Variants in ZFYVE16 observed in about 807,000 individuals in gnomAD.
ZFYVE16 encodes zinc finger FYVE domain-containing protein 16.
In ZFYVE16, 89 loss-of-function variants were observed where a neutral mutation model predicts 138.1. The ratio of observed to expected loss-of-function variants is 0.64; its 90% CI spans 0.54 to 0.77. The LOEUF (loss-of-function observed/expected upper bound fraction) is 0.77. Ranked by LOEUF, ZFYVE16 falls within the 30% of genes least tolerant of loss-of-function variation. The pLI is 0.00. For missense variants in ZFYVE16, 1,793 were observed against 1,786.7 expected (o/e 1.00, Z -0.06); for synonymous variants, 596 against 618.3 (o/e 0.96, Z 0.53).
intron 15 of ZFYVE16, among the ~76,000 whole-genome samples, chr5:80,465,865 T>C (rs1382367975): frequency 6.6e-6 from 1 of 152,146 alleles, no homozygotes; most frequent in Non-Finnish European, 1.5e-5. Context: ...TATAGTATAC[T>C]TGGAATTCTC....
intron 15 of ZFYVE16, among the ~76,000 whole-genome samples, chr5:80,462,262 T>G (rs549955591): frequency 1.6e-4 from 25 of 152,298 alleles, no homozygotes; most frequent in Admixed American, 4.6e-4. Context: ...AGACAGAGGT[T>G]TAATTGACTC....
At chr5:80,423,083 G>A (rs1277595251) in intron 1 of ZFYVE16, among the ~76,000 whole-genome samples, 1 of 152,138 alleles carries the variant, frequency 6.6e-6, no homozygotes, top group Non-Finnish European at 1.5e-5. Context: ...TTCTGGAAGA[G>A]ATTATAGAGA....
rs538365412 is a variant in ZFYVE16, at chr5:80,442,149, G to A, written c.2420-974G>A. 5.3e-5 allele frequency among the ~76,000 whole-genome samples: 8 copies of A among 152,254 alleles called. No individual in the cohort carries two copies. The East Asian group carries it at 1.4e-3, about 26-fold the overall frequency. Reference sequence around the variant, plus strand: ...GATGGAGTCTCACTCTGTCACTCAAGTTGGAGTGTAGTGGTGTGATCTCAG... The same window carrying A: ...GATGGAGTCTCACTCTGTCACTCAAATTGGAGTGTAGTGGTGTGATCTCAG... On this transcript the variant is annotated intron_variant, in intron 5 of 18. Coordinates refer to ENST00000505560, the MANE Select transcript of ZFYVE16 (RefSeq NM_001284236.3).
chr5:80,455,687 T>G lies in ZFYVE16; in HGVS notation c.3608-5T>G, dbSNP rs757670791. 10 of 1,606,998 alleles carry G rather than the reference T, an allele frequency of 6.2e-6. No individual in the cohort carries two copies. Among genetic ancestry groups the G allele is most frequent in the Non-Finnish European group, 8.5e-6 (10 of 1,177,764 alleles). On this transcript the variant is annotated splice_region_variant and splice_polypyrimidine_tract_variant and intron_variant, in intron 11 of 18. Coordinates refer to ENST00000505560, the MANE Select transcript of ZFYVE16 (RefSeq NM_001284236.3). ...TAGTAACCAGTTTTCCTTTCTTATGTATAGCATATCCTGCTCCTCTAACAA... is the reference window on the plus strand; with the variant it reads ...TAGTAACCAGTTTTCCTTTCTTATGGATAGCATATCCTGCTCCTCTAACAA...
chr5:80,417,520 A>G (rs1012686159), intron 1 of ZFYVE16, among the ~76,000 whole-genome samples: 31 of 152,208 alleles, frequency 2.0e-4, no homozygotes, highest in African/African-American at 6.8e-4. Flanking sequence ...ACCACTGGCT[A>G]TCATTGGTGT....
chr5:80,468,237 CCTATTCATATAGTACA>C (rs557037562), intron 15 of ZFYVE16, among the ~76,000 whole-genome samples: 2 of 152,158 alleles, frequency 1.3e-5, no homozygotes, highest in African/African-American at 2.4e-5. Flanking sequence ...TTTCAGTGTT[CCTATTCATATAGTACA>C]CCCTCACTTA....
intron 2 of ZFYVE16, among the ~76,000 whole-genome samples, chr5:80,429,641 A>C (rs1202778209): frequency 6.6e-6 from 1 of 152,238 alleles, no homozygotes; most frequent in African/African-American, 2.4e-5. Flanking sequence ...GCTCCAGTTA[A>C]AAGACACAGA....
chr5:80,439,152 T>G, intron 4 of ZFYVE16, 145 bp downstream of exon 4: 1 of 883,810 alleles, frequency 1.1e-6, no homozygotes, highest in South Asian at 1.9e-5. Flanking sequence ...CAGGGAAATA[T>G]ATAAAGCAGT....
intron 6 of ZFYVE16, among the ~76,000 whole-genome samples, chr5:80,444,765 A>G (rs1409459604): frequency 1.3e-5 from 2 of 151,690 alleles, no homozygotes; most frequent in African/African-American, 4.8e-5. Flanking sequence ...TTATATATAT[A>G]TATGAAGAAT....
intron 1 of ZFYVE16, 74 bp from the exon 2 acceptor site, chr5:80,427,418 A>T (rs1748242769): frequency 6.6e-6 from 1 of 151,776 alleles, no homozygotes; most frequent in South Asian, 2.1e-4. Context: ...TTTGATGCTC[A>T]CTTGTCCCAT....
At chr5:80,476,118 A>G (rs1436251691) in intron 18 of ZFYVE16, among the ~76,000 whole-genome samples, 1 of 151,970 alleles carries the variant, frequency 6.6e-6, no homozygotes, top group Non-Finnish European at 1.5e-5. Context: ...TAATATTTGT[A>G]TTTTTAGCAG....
intron 15 of ZFYVE16, among the ~76,000 whole-genome samples, chr5:80,465,977 G>A (rs921063062): frequency 6.6e-6 from 1 of 151,242 alleles, no homozygotes; most frequent in East Asian, 1.9e-4. Flanking sequence ...CCAAGCTTGA[G>A]TGCAATGGCG....
Position 80,477,533 on chromosome 5 carries a change from T to G in ZFYVE16, c.*156T>G, listed in dbSNP as rs1210782702. The G allele has an allele frequency of 1.4e-5, 8 of 558,434 alleles. No individual in the cohort carries two copies. Among genetic ancestry groups the G allele is most frequent in the Non-Finnish European group, 2.2e-5 (8 of 359,654 alleles). 34.6% of individuals were successfully genotyped at this position (558,434 alleles called of 1,614,324 possible). ...AGGCAGGAATGATCTTTTCAAATCA[T>G]TAGCACAATATTTAAATATCTAAAA... On this transcript the variant is annotated 3_prime_UTR_variant, in exon 19 of 19. Coordinates refer to ENST00000505560, the MANE Select transcript of ZFYVE16 (RefSeq NM_001284236.3).
At chr5:80,429,221 G>C (rs1097312) in intron 2 of ZFYVE16, among the ~76,000 whole-genome samples, 133,527 of 152,208 alleles carry the variant, frequency 0.88, 59,266 homozygotes, top group Non-Finnish European at 0.94. Flanking sequence ...TCAGGTTACC[G>C]ACAAAGGGAA....
Position 80,481,973 on chromosome 5 carries a change from C to G in ZFYVE16, c.*4596C>G, listed in dbSNP as rs1420858272. ...TAGCTGTGACTACAGGTGTGTACCA[C>G]CACGCCTAGATAATTTTTTGTATTT... On this transcript the variant is annotated 3_prime_UTR_variant, in exon 19 of 19. Coordinates refer to ENST00000505560, the MANE Select transcript of ZFYVE16 (RefSeq NM_001284236.3). Among the ~76,000 whole-genome samples, 1 of 152,134 alleles carries G rather than the reference C, an allele frequency of 6.6e-6. No individual in the cohort carries two copies. The highest frequency in any genetic ancestry group is 2.4e-5 in the African/African-American group (1 of 41,406).
chr5:80,468,671 C>T (rs1022674261), intron 15 of ZFYVE16, among the ~76,000 whole-genome samples: 9 of 151,904 alleles, frequency 5.9e-5, no homozygotes, highest in African/African-American at 1.9e-4. Flanking sequence ...ATTCCTTTAC[C>T]TTATAGATTT....
At chr5:80,413,935 A>G (rs1272219892) in intron 1 of ZFYVE16, among the ~76,000 whole-genome samples, 3 of 152,178 alleles carry the variant, frequency 2.0e-5, no homozygotes, top group Non-Finnish European at 2.9e-5. Flanking sequence ...CCTACCTTTA[A>G]ACACTGCATT....
chr5:80,413,288 A>G (rs1745715870), intron 1 of ZFYVE16, among the ~76,000 whole-genome samples: 1 of 152,000 alleles, frequency 6.6e-6, no homozygotes, highest in Non-Finnish European at 1.5e-5. Flanking sequence ...CCTGACCAAT[A>G]TGGAGAAACC....
chr5:80,411,841 C>T (rs1745502132), intron 1 of ZFYVE16: 1 of 152,240 alleles, frequency 6.6e-6, no homozygotes, highest in African/African-American at 2.4e-5. Flanking sequence ...TATTGCCTGT[C>T]ATGGTCAGTG....
Sources: allele counts gnomAD v4.1 joint callset (sites outside exome capture counted in the v4.1 genomes callset), GRCh38; gene constraint gnomAD v4.1.1; transcripts MANE v1.5; gene names NCBI Gene and HGNC (gene_info 2026-07-23, HGNC 2026-07-21).